Variants in RBFOX3 observed in about 807,000 individuals in gnomAD.
RBFOX3 encodes RNA binding fox-1 homolog 3.
RBFOX3 carries 17 observed loss-of-function variants against 48.7 expected under a neutral mutation model. That is an observed-to-expected ratio of 0.35 (90% CI 0.24 to 0.52). The LOEUF is 0.52. Among genes scored for constraint, RBFOX3 ranks in the 20% least tolerant of loss-of-function variants. The pLI is 0.94. For synonymous variants in RBFOX3, 212 were observed against 209.5 expected (o/e 1.01, Z -0.10); for missense variants, 382 against 497.5 (o/e 0.77, Z 2.21).
chr17:79,324,662 G>A (rs2079039517), intron 2 of RBFOX3, among the ~76,000 whole-genome samples: 1 of 152,234 alleles, frequency 6.6e-6, no homozygotes, highest in African/African-American at 2.4e-5. Flanking sequence ...AGAGGACCTG[G>A]CTCCTGGGTG....
chr17:79,659,112 C>T, the RBFOX3 span, among the ~76,000 whole-genome samples: 18,164 of 152,078 alleles, frequency 0.12, 1,331 homozygotes, highest in African/African-American at 0.2. Context: ...CCTTGGTCAC[C>T]GCACAGGAAC....
chr17:79,549,298 A>G (rs991788665), intron 1 of RBFOX3, among the ~76,000 whole-genome samples: 1 of 152,232 alleles, frequency 6.6e-6, no homozygotes, highest in Non-Finnish European at 1.5e-5. Flanking sequence ...ACAGCAGAGA[A>G]GCTCCGCCCC....
rs2070943101 is a variant in RBFOX3, at chr17:79,282,994, T to A, written c.-74+24730A>T. 2.0e-5 allele frequency among the ~76,000 whole-genome samples: 3 copies of A among 151,920 alleles called. No homozygotes were observed. In the South Asian group the frequency reaches 6.2e-4, roughly 32 times the overall value. ...GCTCATGTGAGGAACAGAACCAAAT[T>A]GAAAAGGGGAAGCCACCAGCATCAC... On this transcript the variant is annotated intron_variant, in intron 3 of 14. Coordinates refer to ENST00000693108, the MANE Select transcript of RBFOX3 (RefSeq NM_001350451.2).
At chr17:79,181,994 C>CACAA (rs980133689) in intron 4 of RBFOX3, among the ~76,000 whole-genome samples, 1 of 103,302 alleles carries the variant, frequency 9.7e-6, no homozygotes, top group Non-Finnish European at 2.2e-5. Flanking sequence ...CACACACACA[C>CACAA]ACACACAAAC....
intron 2 of RBFOX3, among the ~76,000 whole-genome samples, chr17:79,336,369 A>G (rs2081188943): frequency 6.6e-6 from 1 of 151,708 alleles, no homozygotes; most frequent in Non-Finnish European, 1.5e-5. Flanking sequence ...CCTGGGCGAC[A>G]GAGTGAGATT....
chr17:79,107,898 C>T (rs1466406819), intron 5 of RBFOX3, among the ~76,000 whole-genome samples: 3 of 152,232 alleles, frequency 2.0e-5, no homozygotes, highest in Admixed American at 1.3e-4. Flanking sequence ...GGTGCACGCT[C>T]CAGCTCCCGC....
chr17:79,467,907 T>C (rs2076528720), intron 2 of RBFOX3, among the ~76,000 whole-genome samples: 1 of 152,016 alleles, frequency 6.6e-6, no homozygotes, highest in African/African-American at 2.4e-5. Context: ...CTCTGATTTC[T>C]CTGTGGCTCC....
chr17:79,450,151 C>T (rs782291102), intron 2 of RBFOX3, among the ~76,000 whole-genome samples: 2 of 152,212 alleles, frequency 1.3e-5, no homozygotes, highest in Non-Finnish European at 1.5e-5. Context: ...ACTCTCTCAA[C>T]ATGGATGCCA....
chr17:79,110,143 A>C (rs1300970905), intron 5 of RBFOX3, among the ~76,000 whole-genome samples: 2 of 152,010 alleles, frequency 1.3e-5, no homozygotes, highest in African/African-American at 4.8e-5. Flanking sequence ...AAAAAAAAAA[A>C]AAAGCCGTCT....
At chr17:79,430,096 G>A (rs1473238694) in intron 2 of RBFOX3, among the ~76,000 whole-genome samples, 3 of 152,150 alleles carry the variant, frequency 2.0e-5, no homozygotes, top group Admixed American at 6.5e-5. Flanking sequence ...CTAGGATTGA[G>A]TGATTTCCCC....
chr17:79,577,996 C>T (rs1307517343), intron 1 of RBFOX3, among the ~76,000 whole-genome samples: 1 of 152,258 alleles, frequency 6.6e-6, no homozygotes, highest in Non-Finnish European at 1.5e-5. Context: ...AATAAGCATC[C>T]GTTCAGCTCA....
intron 4 of RBFOX3, among the ~76,000 whole-genome samples, chr17:79,179,466 G>A (rs890609184): frequency 2.0e-5 from 3 of 152,090 alleles, no homozygotes; most frequent in Non-Finnish European, 1.5e-5. Context: ...CAAAAGCAAC[G>A]GAATTCACGA....
At chr17:79,383,150 A>G (rs911351598) in intron 2 of RBFOX3, among the ~76,000 whole-genome samples, 31 of 152,110 alleles carry the variant, frequency 2.0e-4, no homozygotes, top group Non-Finnish European at 1.0e-4. Context: ...TTGAGATCAC[A>G]GCACAGAAGA....
At chr17:79,579,592 G>A (rs972089881) in intron 1 of RBFOX3, among the ~76,000 whole-genome samples, 9 of 152,062 alleles carry the variant, frequency 5.9e-5, no homozygotes, top group Admixed American at 2.0e-4. Flanking sequence ...GGCAAGCTCC[G>A]GGGCTGGCGG....
At chr17:79,354,330 C>T (rs2084545640) in intron 2 of RBFOX3, among the ~76,000 whole-genome samples, 1 of 152,236 alleles carries the variant, frequency 6.6e-6, no homozygotes, top group Non-Finnish European at 1.5e-5. Flanking sequence ...ATCAGTTCTA[C>T]TCATTGACAA....
chr17:79,663,285 G>A, the RBFOX3 span, among the ~76,000 whole-genome samples: 6 of 152,142 alleles, frequency 3.9e-5, no homozygotes, highest in African/African-American at 1.4e-4. Flanking sequence ...TTTCCTAATC[G>A]GTTTGAGTCT....
At chr17:79,427,821 T>C (rs2067667618) in intron 2 of RBFOX3, among the ~76,000 whole-genome samples, 3 of 152,236 alleles carry the variant, frequency 2.0e-5, no homozygotes, top group Non-Finnish European at 4.4e-5. Flanking sequence ...CGTGCACACA[T>C]GAACATACAT....
chr17:79,216,601 G>A (rs1361506258), intron 4 of RBFOX3, among the ~76,000 whole-genome samples: 2 of 152,166 alleles, frequency 1.3e-5, no homozygotes, highest in East Asian at 1.9e-4. Context: ...CAGAGCACAG[G>A]CCCCACGGCT....
chr17:79,449,202 G>GTTT (rs1177723314), intron 2 of RBFOX3, among the ~76,000 whole-genome samples: 13 of 152,066 alleles, frequency 8.5e-5, no homozygotes, highest in Non-Finnish European at 1.6e-4. Context: ...GGCACTGTGT[G>GTTT]TTTTTTTCAG....
Sources: allele counts gnomAD v4.1 joint callset (sites outside exome capture counted in the v4.1 genomes callset), GRCh38; gene constraint gnomAD v4.1.1; transcripts MANE v1.5; gene names NCBI Gene and HGNC (gene_info 2026-07-23, HGNC 2026-07-21).